TMEFF1: variants seen among roughly 807,000 people sequenced by gnomAD.
The protein encoded by TMEFF1 is tomoregulin-1.
TMEFF1 carries 20 observed loss-of-function variants against 47.5 expected under a neutral mutation model. The observed-to-expected ratio is 0.42, with a 90% CI of 0.30 to 0.61. TMEFF1 has a LOEUF of 0.61. Among genes scored for constraint, TMEFF1 ranks in the 20% least tolerant of loss-of-function variants. The pLI, the probability that TMEFF1 is intolerant of heterozygous loss-of-function variation, is 0.19. For missense variants in TMEFF1, 411 were observed against 471.1 expected (o/e 0.87, Z 1.18); for synonymous variants, 162 against 166.3 (o/e 0.97, Z 0.20).
Position 100,547,679 on chromosome 9 carries a change from TGC to T in TMEFF1, c.561-64_561-63del. ...AGCAGAAGAAAGAATTGGTCTTTTT[TGC>T]TGTTGCAGCATTGTGAAATATTTTT... On this transcript the variant is annotated intron_variant, in intron 5 of 9. Coordinates refer to ENST00000374879, the MANE Select transcript of TMEFF1 (RefSeq NM_003692.5). The T allele has an allele frequency of 3.6e-6, 5 of 1,377,392 alleles. No individual in the cohort carries two copies. In the Admixed American group the frequency reaches 1.1e-4, roughly 30 times the overall value. The allele number at this position is 1,377,392 out of a possible 1,614,324, so 85.3% of individuals were successfully genotyped here. A position where few individuals can be genotyped will look rare whatever the true frequency, so the allele number is the denominator to read the frequency against.
At chr9:100,513,428 T>G in intron 4 of TMEFF1, 95 bp downstream of exon 4, 16 of 1,397,054 alleles carry the variant, frequency 1.1e-5, no homozygotes, top group Non-Finnish European at 1.3e-5. Context: ...CTTTGAGATA[T>G]AATTCACATA....
chr9:100,561,211 T>C (rs1839007283), intron 7 of TMEFF1, among the ~76,000 whole-genome samples, 186 bp from the exon 8 acceptor site: 1 of 152,248 alleles, frequency 6.6e-6, no homozygotes, highest in Non-Finnish European at 1.5e-5. Context: ...GCTGTGTTTA[T>C]GGCATAATAG....
intron 5 of TMEFF1, among the ~76,000 whole-genome samples, chr9:100,527,962 T>C (rs373084448): frequency 1.3e-5 from 2 of 151,418 alleles, no homozygotes; most frequent in African/African-American, 4.9e-5. Context: ...AACTGGGAGG[T>C]ACCCCCAAGC....
intron 8 of TMEFF1, among the ~76,000 whole-genome samples, chr9:100,567,986 G>A (rs1272326447): frequency 1.3e-5 from 2 of 152,246 alleles, no homozygotes; most frequent in African/African-American, 2.4e-5. Context: ...ATCAGATCTC[G>A]TGAGACTCAT....
intron 2 of TMEFF1, among the ~76,000 whole-genome samples, chr9:100,507,240 G>A (rs886448493): frequency 6.6e-6 from 1 of 152,056 alleles, no homozygotes; most frequent in Non-Finnish European, 1.5e-5. Flanking sequence ...TATACCACAT[G>A]TTCTTTATCA....
rs528014644 is a variant in TMEFF1 at position 100,547,525 on chromosome 9, A to G, written c.561-219A>G. Among the ~76,000 whole-genome samples, 3 of 152,336 alleles carry G rather than the reference A, an allele frequency of 2.0e-5. No individual in the cohort carries two copies. In the East Asian group the frequency reaches 5.8e-4, roughly 29 times the overall value. ...CTTTATCTAGATATGAAAATTCCAGAGAAACCACTGGATTCATAATATCTT... is the reference window on the plus strand; with the variant it reads ...CTTTATCTAGATATGAAAATTCCAGGGAAACCACTGGATTCATAATATCTT... On this transcript the variant is annotated intron_variant, in intron 5 of 9. Transcript: ENST00000374879.
intron 5 of TMEFF1, among the ~76,000 whole-genome samples, chr9:100,533,912 T>G (rs1838452561): frequency 6.6e-6 from 1 of 152,066 alleles, no homozygotes; most frequent in Admixed American, 6.6e-5. Context: ...AGAGATGAAG[T>G]TTCACCATGT....
intron 8 of TMEFF1, among the ~76,000 whole-genome samples, chr9:100,562,333 G>A (rs141537651): frequency 6.6e-6 from 1 of 152,026 alleles, no homozygotes; most frequent in East Asian, 1.9e-4. Flanking sequence ...AGAAGCCAGT[G>A]AATCTTTCTT....
At chr9:100,503,535 AACAC>A (rs66485935) in intron 2 of TMEFF1, among the ~76,000 whole-genome samples, 22,688 of 143,810 alleles carry the variant, frequency 0.16, 1,793 homozygotes, top group Middle Eastern at 0.28. Flanking sequence ...GAGAAACAGA[AACAC>A]ACACACACAC....
chr9:100,530,939 A>C (rs1340245558), intron 5 of TMEFF1, among the ~76,000 whole-genome samples: 7 of 152,096 alleles, frequency 4.6e-5, no homozygotes, highest in Non-Finnish European at 1.0e-4. Context: ...AATATACGCA[A>C]ATCAATAAAT....
chr9:100,493,993 G>C (rs776630662), intron 1 of TMEFF1, among the ~76,000 whole-genome samples: 1 of 151,940 alleles, frequency 6.6e-6, no homozygotes, highest in Non-Finnish European at 1.5e-5. Context: ...GATCAGCCTG[G>C]GCAACATGGT....
At chr9:100,503,535 A>AACACACAC (rs66485935) in intron 2 of TMEFF1, among the ~76,000 whole-genome samples, 66 of 144,048 alleles carry the variant, frequency 4.6e-4, no homozygotes, top group African/African-American at 1.0e-3. Context: ...GAGAAACAGA[A>AACACACAC]ACACACACAC....
intron 5 of TMEFF1, among the ~76,000 whole-genome samples, chr9:100,517,493 A>G (rs1838095165): frequency 6.6e-6 from 1 of 152,198 alleles, no homozygotes; most frequent in Non-Finnish European, 1.5e-5. Context: ...CCTTTCACTG[A>G]ACAGTAATAA....
intron 7 of TMEFF1, among the ~76,000 whole-genome samples, chr9:100,560,439 A>G (rs1201878456): frequency 6.6e-6 from 1 of 152,172 alleles, no homozygotes; most frequent in Non-Finnish European, 1.5e-5. Context: ...AGGCCTGTAA[A>G]TATTGCGGAA....
At chr9:100,510,162 G>A (rs925451227) in intron 3 of TMEFF1, among the ~76,000 whole-genome samples, 1 of 152,136 alleles carries the variant, frequency 6.6e-6, no homozygotes, top group African/African-American at 2.4e-5. Flanking sequence ...AGTCTCCAAG[G>A]CTGTTCTCAC....
intron 1 of TMEFF1, among the ~76,000 whole-genome samples, chr9:100,480,272 A>G (rs1341289015): frequency 1.3e-5 from 2 of 152,186 alleles, no homozygotes; most frequent in African/African-American, 2.4e-5. Context: ...CAGCAAGCAC[A>G]GAGATGCTCA....
At chr9:100,571,649 G>A (rs933234421) in intron 8 of TMEFF1, among the ~76,000 whole-genome samples, 35 of 152,220 alleles carry the variant, frequency 2.3e-4, no homozygotes, top group African/African-American at 8.2e-4. Flanking sequence ...TGGGGATTGG[G>A]GGTGGGGGTG....
At chr9:100,477,150 A>G (rs10989105) in intron 1 of TMEFF1, among the ~76,000 whole-genome samples, 37,041 of 152,048 alleles carry the variant, frequency 0.24, 5,127 homozygotes, top group African/African-American at 0.37. Context: ...ACTTGCAAAT[A>G]TGAAGAGCAG....
intron 5 of TMEFF1, among the ~76,000 whole-genome samples, chr9:100,544,443 G>C (rs1838695288): frequency 6.6e-6 from 1 of 152,304 alleles, no homozygotes; most frequent in South Asian, 2.1e-4. Flanking sequence ...GATCTTGTGA[G>C]ACTCATTCAC....
Sources: gnomAD v4.1 joint callset for allele counts (sites outside exome capture counted in the v4.1 genomes callset) on GRCh38, gnomAD v4.1.1 for gene constraint, MANE v1.5 for transcripts, NCBI Gene and HGNC (gene_info 2026-07-23, HGNC 2026-07-21) for gene names.